The following PMM2 variants were observed in gnomAD, a reference collection of about 807,000 sequenced individuals.
The protein encoded by PMM2 is phosphomannomutase 2, also known as mannose-6-phosphate isomerase.
In PMM2, 35 loss-of-function variants were observed where a neutral mutation model predicts 33.2. The observed-to-expected ratio is 1.06, with a 90% CI of 0.81 to 1.40. PMM2 has a LOEUF of 1.40. PMM2 is among the 40% of genes most tolerant of loss of function. The probability of loss-of-function intolerance (pLI) is 0.00; values close to 1 mark genes in which losing one functional copy is unlikely to be tolerated. For missense variants in PMM2, 386 were observed against 306.0 expected (o/e 1.26, Z -1.95); for synonymous variants, 153 against 114.7 (o/e 1.33, Z -2.13).
intron 2 of PMM2, among the ~76,000 whole-genome samples, chr16:8,802,656 C>A (rs938154664): frequency 6.6e-6 from 1 of 151,934 alleles, no homozygotes; most frequent in Admixed American, 6.6e-5. Flanking sequence ...TGATCAAACC[C>A]CATTTCTACT....
At chr16:8,812,502 A>C (rs2060683219) in intron 6 of PMM2, among the ~76,000 whole-genome samples, 1 of 152,216 alleles carries the variant, frequency 6.6e-6, no homozygotes, top group African/African-American at 2.4e-5. Context: ...TGTGAGATGG[A>C]CATCTTTCTG....
intron 7 of PMM2, chr16:8,832,930 A>T (rs1194147731): frequency 2.1e-6 from 2 of 969,800 alleles, no homozygotes; most frequent in Admixed American, 1.3e-4. Context: ...TTTGCTCAAC[A>T]AGGCGCCCAA....
intron 1 of PMM2, among the ~76,000 whole-genome samples, chr16:8,800,910 T>C (rs778905927): frequency 2.6e-5 from 4 of 152,230 alleles, no homozygotes; most frequent in Non-Finnish European, 4.4e-5. Flanking sequence ...TCTCGAACTC[T>C]GACCTCAGGT....
At chr16:8,837,262 C>G (rs997823864) in intron 7 of PMM2, among the ~76,000 whole-genome samples, 2 of 151,896 alleles carry the variant, frequency 1.3e-5, no homozygotes, top group African/African-American at 4.8e-5. Flanking sequence ...CATTTTACGA[C>G]AAGAATTATT....
chr16:8,837,049 C>G (rs1041864067), intron 7 of PMM2, among the ~76,000 whole-genome samples: 2 of 151,930 alleles, frequency 1.3e-5, no homozygotes, highest in Non-Finnish European at 2.9e-5. Flanking sequence ...TGGAACCTAG[C>G]TCAGCCTGGC....
intron 4 of PMM2, 37 bp downstream of exon 4, chr16:8,806,444 A>C: frequency 8.1e-7 from 1 of 1,240,178 alleles, no homozygotes; most frequent in Non-Finnish European, 1.2e-6. Context: ...TCACAGGAAC[A>C]TAGCGTAGTG....
At chr16:8,816,243 C>A (rs2060707287) in intron 7 of PMM2, among the ~76,000 whole-genome samples, 2 of 152,074 alleles carry the variant, frequency 1.3e-5, no homozygotes, top group African/African-American at 4.8e-5. Context: ...TCTTATACCT[C>A]AGCCTCCCGA....
At chr16:8,821,610 T>C (rs1038621283) in intron 7 of PMM2, among the ~76,000 whole-genome samples, 63 of 152,178 alleles carry the variant, frequency 4.1e-4, no homozygotes, top group African/African-American at 1.5e-3. Context: ...CAGAGCTGTC[T>C]CCTCTGCCCT....
rs746081212 is a variant in PMM2 at position 8,848,797 on chromosome 16, C to T, written c.*972C>T. 2.0e-5 allele frequency: 3 copies of T among 152,220 alleles called. No individual in the cohort carries two copies. Among genetic ancestry groups the T allele is most frequent in the African/African-American group, 4.8e-5 (2 of 41,452 alleles). 9.4% of individuals were successfully genotyped at this position (152,220 alleles called of 1,614,324 possible). ...GGAGCTGCTCTCCTATCTGCACTCA[C>T]CCAGGCCTTCACCCAGACTTTACCA... On this transcript the variant is annotated 3_prime_UTR_variant, in exon 8 of 8. Coordinates refer to ENST00000268261, the MANE Select transcript of PMM2 (RefSeq NM_000303.3).
chr16:8,807,199 A>C, intron 4 of PMM2, among the ~76,000 whole-genome samples: 1 of 143,880 alleles, frequency 7.0e-6, no homozygotes, highest in African/African-American at 2.6e-5. Flanking sequence ...TAGAGATGGC[A>C]TTTCACTCTG....
intron 7 of PMM2, among the ~76,000 whole-genome samples, chr16:8,836,487 G>T (rs1055605331): frequency 2.0e-5 from 3 of 152,150 alleles, no homozygotes; most frequent in Admixed American, 6.5e-5. Flanking sequence ...CAAGCTCCTG[G>T]GGGAGGAGGT....
At chr16:8,812,434 G>A (rs1372160084) in intron 6 of PMM2, among the ~76,000 whole-genome samples, 4 of 152,254 alleles carry the variant, frequency 2.6e-5, no homozygotes, top group African/African-American at 9.6e-5. Flanking sequence ...AGGAAAACTG[G>A]AATGGCAAAG....
intron 7 of PMM2, among the ~76,000 whole-genome samples, chr16:8,827,947 A>T (rs2060787014): frequency 1.0e-5 from 1 of 97,582 alleles, no homozygotes; most frequent in Non-Finnish European, 2.2e-5. Flanking sequence ...ATTTATAAAT[A>T]TATATATTTA....
At chr16:8,804,143 A>G (rs1015192563) in intron 2 of PMM2, among the ~76,000 whole-genome samples, 3 of 147,332 alleles carry the variant, frequency 2.0e-5, no homozygotes, top group Admixed American at 6.9e-5. Context: ...GGTTCAAGCA[A>G]TTCTCCTGCC....
intron 7 of PMM2, chr16:8,832,855 G>A: frequency 1.0e-6 from 1 of 985,394 alleles, no homozygotes; most frequent in Non-Finnish European, 1.2e-6. Flanking sequence ...CACATGGCCT[G>A]TGCCCTCACG....
intron 7 of PMM2, among the ~76,000 whole-genome samples, chr16:8,820,505 C>T (rs1026787890): frequency 2.0e-5 from 3 of 152,128 alleles, no homozygotes; most frequent in African/African-American, 7.2e-5. Flanking sequence ...CGGTGCCCAC[C>T]ACCACGCCTG....
chr16:8,835,317 T>A (rs1208910602), intron 7 of PMM2, among the ~76,000 whole-genome samples: 1 of 151,904 alleles, frequency 6.6e-6, no homozygotes, highest in Non-Finnish European at 1.5e-5. Context: ...TGTGTTTTTA[T>A]GAGAATTATG....
At chr16:8,846,122 C>T (rs2060924178) in intron 7 of PMM2, among the ~76,000 whole-genome samples, 1 of 152,168 alleles carries the variant, frequency 6.6e-6, no homozygotes. Context: ...AAGTTCATGG[C>T]CTCCTAACCT....
intron 4 of PMM2, chr16:8,809,071 G>T (rs2060663008): frequency 6.6e-6 from 1 of 152,210 alleles, no homozygotes; most frequent in African/African-American, 2.4e-5. Flanking sequence ...CCCTTTGGAG[G>T]TAACCAGAGC....
Sources: gnomAD v4.1 joint callset for allele counts (sites outside exome capture counted in the v4.1 genomes callset) on GRCh38, gnomAD v4.1.1 for gene constraint, MANE v1.5 for transcripts, NCBI Gene and HGNC (gene_info 2026-07-23, HGNC 2026-07-21) for gene names.